Variants in SRSF12 observed in about 807,000 individuals in gnomAD.
SRSF12 encodes serine and arginine rich splicing factor 12, also known as serine/arginine-rich splicing factor 12.
Under a neutral mutation model 34.1 loss-of-function variants are expected in SRSF12, and 21 were observed. The ratio of observed to expected loss-of-function variants is 0.62; its 90% CI spans 0.44 to 0.89. SRSF12 has a LOEUF of 0.89. Among genes scored for constraint, SRSF12 ranks in the 40% least tolerant of loss-of-function variants. The pLI is 0.00. For missense variants in SRSF12, 278 were observed against 327.8 expected (o/e 0.85, Z 1.17); for synonymous variants, 111 against 110.8 (o/e 1.00, Z -0.01).
intron 1 of SRSF12, among the ~76,000 whole-genome samples, chr6:89,107,583 C>A (rs900000317): frequency 6.6e-6 from 1 of 151,860 alleles, no homozygotes; most frequent in African/African-American, 2.4e-5. Flanking sequence ...ATACAAAAAT[C>A]AGCCAGGTGT....
At chr6:89,106,202 G>T (rs919761910) in intron 2 of SRSF12, among the ~76,000 whole-genome samples, 1 of 152,000 alleles carries the variant, frequency 6.6e-6, no homozygotes, top group Non-Finnish European at 1.5e-5. Context: ...CTCACTGTAA[G>T]CCCAGGTTCA....
intron 1 of SRSF12, among the ~76,000 whole-genome samples, chr6:89,109,056 A>G (rs541669507): frequency 2.0e-5 from 3 of 152,310 alleles, no homozygotes; most frequent in Admixed American, 6.5e-5. Context: ...ACCATGTGCC[A>G]GGCTCTAGGA....
intron 1 of SRSF12, among the ~76,000 whole-genome samples, chr6:89,107,739 C>CA (rs1026862972): frequency 6.0e-5 from 9 of 149,238 alleles, no homozygotes; most frequent in Non-Finnish European, 8.9e-5. Context: ...GACCCTGTCT[C>CA]AAAAAAAAAG....
At chr6:89,101,531 G>C (rs1768539215) in intron 4 of SRSF12, among the ~76,000 whole-genome samples, 1 of 152,084 alleles carries the variant, frequency 6.6e-6, no homozygotes, top group African/African-American at 2.4e-5. Context: ...AGACCAGCCT[G>C]GCCAACATGG....
At chr6:89,117,475 G>A (rs937768188) in intron 1 of SRSF12, among the ~76,000 whole-genome samples, 1 of 152,178 alleles carries the variant, frequency 6.6e-6, no homozygotes, top group Admixed American at 6.5e-5. Context: ...TCGCTGGAGC[G>A]CAAACCCTCC....
rs1768288270 is a variant in SRSF12 at position 89,096,384 on chromosome 6, T to C, written c.*2194A>G. The C allele has an allele frequency of 6.6e-6, 1 of 152,236 alleles. No individual in the cohort carries two copies. The highest frequency in any genetic ancestry group is 1.5e-5 in the Non-Finnish European group (1 of 68,046). The allele number at this position is 152,236 out of a possible 1,614,324, so 9.4% of individuals were successfully genotyped here. A position where few individuals can be genotyped will look rare whatever the true frequency, so the allele number is the denominator to read the frequency against. Reference sequence around the variant, plus strand: ...CAAAAGTAATTGCGGGATATTTACCTCATAAGAGTGTTGATGGTTAAATAC... The same window carrying C: ...CAAAAGTAATTGCGGGATATTTACCCCATAAGAGTGTTGATGGTTAAATAC... On this transcript the variant is annotated 3_prime_UTR_variant, in exon 5 of 5. Coordinates refer to ENST00000452027, the MANE Select transcript of SRSF12 (RefSeq NM_080743.5).
rs1247419133 is a variant in SRSF12, at chr6:89,105,174, G to A, written c.361C>T (p.Arg121Ter). ...RSRSPSQRRT[R>*]SRSSSWGRNR... ...CTTCCCCATGAAGAACTTCTACTTC[G>A]AGTTCTTCTTTGGCTGGGGCTTCTT... Residue 121 changes from arginine to a stop codon, truncating the protein, a stop_gained, in exon 4 of 5, where the codon CGA becomes TGA. Transcript: ENST00000452027. LOFTEE classifies it high-confidence loss of function. 2 of 1,612,154 alleles carry A rather than the reference G, an allele frequency of 1.2e-6. No homozygotes were observed. The highest frequency in any genetic ancestry group is 1.7e-5 in the Admixed American group (1 of 59,774).
chr6:89,113,066 A>G (rs1769131714), intron 1 of SRSF12, among the ~76,000 whole-genome samples: 1 of 152,246 alleles, frequency 6.6e-6, no homozygotes, highest in Non-Finnish European at 1.5e-5. Flanking sequence ...CAACAAAATC[A>G]CCAAATGGAT....
chr6:89,102,350 G>C (rs1022913526), intron 4 of SRSF12, among the ~76,000 whole-genome samples: 6 of 152,034 alleles, frequency 3.9e-5, no homozygotes, highest in Non-Finnish European at 7.4e-5. Flanking sequence ...CGCCATGTTG[G>C]CCAGGCATGT....
At chr6:89,099,967 A>G (rs1270022698) in intron 4 of SRSF12, among the ~76,000 whole-genome samples, 2 of 152,166 alleles carry the variant, frequency 1.3e-5, no homozygotes, top group East Asian at 1.9e-4. Flanking sequence ...CCATTTTTCA[A>G]ATGACAGCAT....
In SRSF12 at chr6:89,096,954, A is replaced by G. The variant is rs1768302504; in HGVS notation, c.*1624T>C. On this transcript the variant is annotated 3_prime_UTR_variant, in exon 5 of 5. Coordinates refer to ENST00000452027, the MANE Select transcript of SRSF12 (RefSeq NM_080743.5). ...TATAACTAAATTTTATTATAGCGGAATAATTCAAAGAGTTGTAGTTTTGAA... is the reference window on the plus strand; with the variant it reads ...TATAACTAAATTTTATTATAGCGGAGTAATTCAAAGAGTTGTAGTTTTGAA... 1 of 152,260 alleles carries G rather than the reference A, an allele frequency of 6.6e-6. No homozygotes were observed. The highest frequency in any genetic ancestry group is 1.5e-5 in the Non-Finnish European group (1 of 68,048). The allele number at this position is 152,260 out of a possible 1,614,324, so 9.4% of individuals were successfully genotyped here.
chr6:89,111,099 T>C (rs998817479), intron 1 of SRSF12, among the ~76,000 whole-genome samples: 2 of 149,124 alleles, frequency 1.3e-5, no homozygotes, highest in Non-Finnish European at 3.0e-5. Flanking sequence ...GAAGACAGGG[T>C]GAGACTTGTC....
Position 89,105,168 on chromosome 6 carries a change from T to C in SRSF12, c.367A>G (p.Arg123Gly), listed in dbSNP as rs1768728941. ...CTATTTCTTCCCCATGAAGAACTTC[T>C]ACTTCGAGTTCTTCTTTGGCTGGGG... ...RSPSQRRTRSRSSSWGRNRRR... is the reference protein window; with the variant it reads ...RSPSQRRTRSGSSSWGRNRRR... The change falls in exon 4 of 5, where the codon AGA (arginine) becomes GGA (glycine). Residue 123 changes from arginine (R) to glycine (G), a missense_variant. Physicochemically the swap from Arg to Gly is moderately radical, Grantham distance 125. Coordinates refer to ENST00000452027, the MANE Select transcript of SRSF12 (RefSeq NM_080743.5). 2 of 1,612,532 alleles carry C rather than the reference T, an allele frequency of 1.2e-6. No individual in the cohort carries two copies. The highest frequency in any genetic ancestry group is 1.7e-5 in the Admixed American group (1 of 59,818).
At chr6:89,102,869 A>G (rs1174627768) in intron 4 of SRSF12, among the ~76,000 whole-genome samples, 1 of 152,120 alleles carries the variant, frequency 6.6e-6, no homozygotes, top group Admixed American at 6.5e-5. Flanking sequence ...CTCACACCTC[A>G]GTCCACCCTC....
chr6:89,102,142 G>C (rs1419053252), intron 4 of SRSF12, among the ~76,000 whole-genome samples: 1 of 149,206 alleles, frequency 6.7e-6, no homozygotes, highest in Non-Finnish European at 1.5e-5. Context: ...TTCAATTTTT[G>C]GTTTTGTTTG....
Position 89,117,948 on chromosome 6 carries a change from C to T in SRSF12, c.-61G>A. On this transcript the variant is annotated 5_prime_UTR_variant, in exon 1 of 5. Transcript: ENST00000452027. Reference sequence around the variant, plus strand: ...GCCGCTGGACTCGCTCCGTCTCCCGCTACCGCTGCTACCACCACAGGAGCT... The same window carrying T: ...GCCGCTGGACTCGCTCCGTCTCCCGTTACCGCTGCTACCACCACAGGAGCT... The T allele has an allele frequency of 6.7e-7, 1 of 1,493,062 alleles. No individual in the cohort carries two copies. Among genetic ancestry groups the T allele is most frequent in the East Asian group, 2.9e-5 (1 of 34,330 alleles). The allele number at this position is 1,493,062 out of a possible 1,614,324, so 92.5% of individuals were successfully genotyped here. A position where few individuals can be genotyped will look rare whatever the true frequency, so the allele number is the denominator to read the frequency against.
chr6:89,117,368 A>G (rs1204163946), intron 1 of SRSF12, among the ~76,000 whole-genome samples: 1 of 152,236 alleles, frequency 6.6e-6, no homozygotes, highest in Non-Finnish European at 1.5e-5. Flanking sequence ...TTATGGTACA[A>G]AACGTTCTCA....
chr6:89,114,322 G>A lies in SRSF12; in HGVS notation c.65+3501C>T, dbSNP rs373014904. Among the ~76,000 whole-genome samples the A allele has an allele frequency of 8.5e-5, 13 of 152,252 alleles. 2 individuals carry two copies. The highest frequency in any genetic ancestry group is 3.9e-4 in the Admixed American group (6 of 15,288). On this transcript the variant is annotated intron_variant, in intron 1 of 4. Coordinates refer to ENST00000452027, the MANE Select transcript of SRSF12 (RefSeq NM_080743.5). ...ACACATCTGTAATCCCAGCTACTCG[G>A]GAGGCTGAGGCAGGAGAACTGCTTG...
Position 89,105,277 on chromosome 6 carries a change from A to G in SRSF12, c.275-17T>C. 2 of 1,596,102 alleles carry G rather than the reference A, an allele frequency of 1.3e-6. No individual in the cohort carries two copies. The highest frequency in any genetic ancestry group is 1.7e-6 in the Non-Finnish European group (2 of 1,167,004). On this transcript the variant is annotated splice_polypyrimidine_tract_variant and intron_variant, in intron 3 of 4. Transcript: ENST00000452027. Reference sequence around the variant, plus strand: ...GGCCTGGTGCTGGAACATAAAGAACAAGACTTATGACATAATTCGTTACCT... The same window carrying G: ...GGCCTGGTGCTGGAACATAAAGAACGAGACTTATGACATAATTCGTTACCT...
Sources: allele counts gnomAD v4.1 joint callset (sites outside exome capture counted in the v4.1 genomes callset), GRCh38; gene constraint gnomAD v4.1.1; transcripts MANE v1.5; gene names NCBI Gene and HGNC (gene_info 2026-07-23, HGNC 2026-07-21).